ADIPOR2: variants seen among roughly 807,000 people sequenced by gnomAD.
ADIPOR2 encodes the protein adiponectin receptor protein 2.
Under a neutral mutation model 40.9 loss-of-function variants are expected in ADIPOR2, and 18 were observed. The ratio of observed to expected loss-of-function variants is 0.44; its 90% CI spans 0.30 to 0.65. The LOEUF is 0.65. Ranked by LOEUF, ADIPOR2 falls within the 30% of genes least tolerant of loss-of-function variation. ADIPOR2 has a pLI of 0.09. For synonymous variants in ADIPOR2, 165 were observed against 166.4 expected (o/e 0.99, Z 0.06); for missense variants, 283 against 479.2 (o/e 0.59, Z 3.82).
chr12:1,755,474 G>A (rs1295360947), intron 2 of ADIPOR2, among the ~76,000 whole-genome samples: 1 of 152,200 alleles, frequency 6.6e-6, no homozygotes, highest in Non-Finnish European at 1.5e-5. Flanking sequence ...CCATACTTTA[G>A]CTATGACGTT....
intron 2 of ADIPOR2, among the ~76,000 whole-genome samples, chr12:1,758,956 G>A (rs979491571): frequency 6.6e-6 from 1 of 152,210 alleles, no homozygotes; most frequent in African/African-American, 2.4e-5. Context: ...ATTTGCCCAA[G>A]GTAACATGAC....
intron 1 of ADIPOR2, among the ~76,000 whole-genome samples, chr12:1,710,614 CTT>C (rs199652922): frequency 0.015 from 2,291 of 152,162 alleles, 25 homozygotes; most frequent in Middle Eastern, 0.054. Context: ...ACCCCCGACT[CTT>C]CAGAGTTGGG....
At chr12:1,736,932 A>C (rs2094732117) in intron 1 of ADIPOR2, among the ~76,000 whole-genome samples, 1 of 152,070 alleles carries the variant, frequency 6.6e-6, no homozygotes, top group African/African-American at 2.4e-5. Flanking sequence ...GATTCAGAAA[A>C]TTTGGTCAGA....
chr12:1,698,542 A>G (rs2094643982), intron 1 of ADIPOR2, among the ~76,000 whole-genome samples: 1 of 152,100 alleles, frequency 6.6e-6, no homozygotes, highest in Admixed American at 6.6e-5. Flanking sequence ...TGTTTTTAAA[A>G]TTAATATTTG....
chr12:1,749,438 A>G (rs1592609502), intron 1 of ADIPOR2, among the ~76,000 whole-genome samples: 1 of 152,228 alleles, frequency 6.6e-6, no homozygotes, highest in East Asian at 1.9e-4. Flanking sequence ...ATAATGAAAG[A>G]CTGGAATAAA....
chr12:1,760,193 T>A (rs995262290), intron 2 of ADIPOR2, among the ~76,000 whole-genome samples: 3 of 152,208 alleles, frequency 2.0e-5, no homozygotes, highest in Non-Finnish European at 4.4e-5. Context: ...TAAAAACTTC[T>A]TAGCAACATG....
chr12:1,736,379 C>A (rs148731048), intron 1 of ADIPOR2, among the ~76,000 whole-genome samples: 1 of 152,294 alleles, frequency 6.6e-6, no homozygotes, highest in East Asian at 1.9e-4. Flanking sequence ...AATTTATTTG[C>A]GTAGAGGTGT....
At chr12:1,699,199 A>G (rs2094645311) in intron 1 of ADIPOR2, among the ~76,000 whole-genome samples, 1 of 152,224 alleles carries the variant, frequency 6.6e-6, no homozygotes, top group Non-Finnish European at 1.5e-5. Flanking sequence ...AGCAGGTGGT[A>G]AGTAAATGGT....
chr12:1,746,690 C>A lies in ADIPOR2; in HGVS notation c.-86-7568C>A, dbSNP rs148590089. Among the ~76,000 whole-genome samples the A allele has an allele frequency of 6.5e-3, 996 of 152,204 alleles. 16 individuals carry two copies. The highest frequency in any genetic ancestry group is 0.023 in the African/African-American group (962 of 41,506). The stretch of plus-strand genomic sequence containing the variant: ...AATAACTGGAGACTTTAATATGCCA[C>A]TTTCAATAATGGGTAGAACAACTAG... On this transcript the variant is annotated intron_variant, in intron 1 of 7. Coordinates refer to ENST00000357103, the MANE Select transcript of ADIPOR2 (RefSeq NM_024551.3).
chr12:1,697,142 C>G (rs2094640841), intron 1 of ADIPOR2: 2 of 152,212 alleles, frequency 1.3e-5, no homozygotes, highest in South Asian at 2.1e-4. Context: ...CATGTTAACT[C>G]AAACCTCTGC....
intron 1 of ADIPOR2, among the ~76,000 whole-genome samples, chr12:1,717,215 C>T (rs557741142): frequency 4.7e-4 from 71 of 152,262 alleles, no homozygotes; most frequent in Middle Eastern, 3.4e-3. Context: ...TCACTTTTCT[C>T]TTGATGTTTT....
intron 1 of ADIPOR2, among the ~76,000 whole-genome samples, chr12:1,721,091 T>A (rs1301627725): frequency 6.6e-6 from 1 of 151,794 alleles, no homozygotes; most frequent in East Asian, 1.9e-4. Context: ...GTGTCTCAAG[T>A]CTCCCCGAAA....
At chr12:1,703,175 G>C (rs1227124834) in intron 1 of ADIPOR2, among the ~76,000 whole-genome samples, 2 of 152,138 alleles carry the variant, frequency 1.3e-5, no homozygotes, top group African/African-American at 4.8e-5. Context: ...TAGACATTAA[G>C]AGAATAAGCT....
At chr12:1,751,637 A>G (rs2094769292) in intron 1 of ADIPOR2, among the ~76,000 whole-genome samples, 1 of 152,098 alleles carries the variant, frequency 6.6e-6, no homozygotes, top group South Asian at 2.1e-4. Context: ...CCTCTTGAGT[A>G]GCTAGTACTA....
intron 1 of ADIPOR2, among the ~76,000 whole-genome samples, chr12:1,699,576 G>T (rs778576522): frequency 2.0e-5 from 3 of 152,166 alleles, no homozygotes; most frequent in Admixed American, 2.0e-4. Context: ...ACTTGAACCC[G>T]GGAGGCAGAG....
At chr12:1,706,425 C>T (rs1485050947) in intron 1 of ADIPOR2, among the ~76,000 whole-genome samples, 5 of 152,060 alleles carry the variant, frequency 3.3e-5, no homozygotes, top group Non-Finnish European at 5.9e-5. Context: ...TGAATTAGTC[C>T]GTGTTTACTT....
chr12:1,714,824 CAAT>C (rs1331978644), intron 1 of ADIPOR2, among the ~76,000 whole-genome samples: 2 of 152,120 alleles, frequency 1.3e-5, no homozygotes, highest in Non-Finnish European at 2.9e-5. Flanking sequence ...TTTGATCTAA[CAAT>C]AGCATGACAT....
At chr12:1,725,946 A>C (rs2094707117) in intron 1 of ADIPOR2, among the ~76,000 whole-genome samples, 1 of 152,192 alleles carries the variant, frequency 6.6e-6, no homozygotes, top group Non-Finnish European at 1.5e-5. Flanking sequence ...TATCAGTTGC[A>C]GTTTGGGATT....
rs1862634622 is a variant in ADIPOR2, at chr12:1,777,960, G to A, written c.398G>A (p.Arg133Gln). 5.0e-6 allele frequency: 8 copies of A among 1,613,736 alleles called. No homozygotes were observed. Among genetic ancestry groups the A allele is most frequent in the South Asian group, 1.1e-5 (1 of 91,062 alleles). ...HGHRPPMPSFRACFKSIFRIH... is the reference protein window; with the variant it reads ...HGHRPPMPSFQACFKSIFRIH... ...CACCGGCCTCCTATGCCTTCTTTCCGGGCCTGTTTTAAGAGCATTTTCAGA... is the reference window on the plus strand; with the variant it reads ...CACCGGCCTCCTATGCCTTCTTTCCAGGCCTGTTTTAAGAGCATTTTCAGA... The change falls in exon 4 of 8, where the codon CGG becomes CAG. Residue 133 changes from arginine to glutamine, a missense_variant. This residue lies in a region of ADIPOR2 where 112 missense variants were observed against 249.5 expected (regional missense o/e 0.45). Coordinates refer to ENST00000357103, the MANE Select transcript of ADIPOR2 (RefSeq NM_024551.3).
Sources: gnomAD v4.1 joint callset for allele counts (sites outside exome capture counted in the v4.1 genomes callset) on GRCh38, gnomAD v4.1.1 for gene constraint, gnomAD v4.1.1 regional missense constraint, MANE v1.5 for transcripts, NCBI Gene and HGNC (gene_info 2026-07-23, HGNC 2026-07-21) for gene names.